RPS6KA2: variants seen among roughly 807,000 people sequenced by gnomAD.
RPS6KA2 encodes ribosomal protein S6 kinase alpha-2.
A neutral mutation model predicts 91.8 loss-of-function variants in RPS6KA2; 42 were observed. That is an observed-to-expected ratio of 0.46 (90% CI 0.36 to 0.59). The LOEUF (loss-of-function observed/expected upper bound fraction) is 0.59. Ranked by LOEUF, RPS6KA2 falls within the 20% of genes least tolerant of loss-of-function variation. RPS6KA2 has a pLI of 0.00. For synonymous variants in RPS6KA2, 414 were observed against 393.6 expected (o/e 1.05, Z -0.61); for missense variants, 798 against 978.5 (o/e 0.82, Z 2.46).
chr6:166,634,496 T>C (rs897550569), intron 2 of RPS6KA2, among the ~76,000 whole-genome samples: 1 of 152,222 alleles, frequency 6.6e-6, no homozygotes, highest in Non-Finnish European at 1.5e-5. Flanking sequence ...ACTCAGATGC[T>C]TCCCTGTAAA....
chr6:166,853,464 G>A (rs1306675114), intron 2 of RPS6KA2, among the ~76,000 whole-genome samples: 1 of 152,214 alleles, frequency 6.6e-6, no homozygotes, highest in African/African-American at 2.4e-5. Flanking sequence ...TCTGTGCCGT[G>A]GAAGTGGACA....
chr6:166,739,968 C>T (rs927262533), intron 2 of RPS6KA2, among the ~76,000 whole-genome samples: 9 of 152,228 alleles, frequency 5.9e-5, no homozygotes, highest in Admixed American at 2.0e-4. Flanking sequence ...CCTACAGGGC[C>T]TGCTTTAAGT....
At chr6:166,838,155 G>A (rs7747879) in intron 2 of RPS6KA2, among the ~76,000 whole-genome samples, 7,941 of 152,258 alleles carry the variant, frequency 0.052, 725 homozygotes, top group African/African-American at 0.18. Context: ...GCCGGTCAGC[G>A]GCTAACATTA....
chr6:166,674,814 C>T (rs1279083456), intron 2 of RPS6KA2, among the ~76,000 whole-genome samples: 1 of 152,008 alleles, frequency 6.6e-6, no homozygotes, highest in Non-Finnish European at 1.5e-5. Flanking sequence ...GATTACAGGC[C>T]CCTGCCACCA....
At chr6:166,436,823 G>A (rs1779331059) in intron 14 of RPS6KA2, among the ~76,000 whole-genome samples, 1 of 152,152 alleles carries the variant, frequency 6.6e-6, no homozygotes, top group African/African-American at 2.4e-5. Flanking sequence ...TGGGATTATA[G>A]GGCACATCCT....
In RPS6KA2 at chr6:166,627,088, G is replaced by A. The variant is rs1786914004; in HGVS notation, c.-69C>T. 8.1e-7 allele frequency: 1 copy of A among 1,239,726 alleles called. No homozygotes were observed. Among genetic ancestry groups the A allele is most frequent in the African/African-American group, 1.6e-5 (1 of 63,744 alleles). The allele number at this position is 1,239,726 out of a possible 1,614,324, so 76.8% of individuals were successfully genotyped here. ...GCATCCCCGGCATCCCAGGCGCGGG[G>A]CTCAGGTCCGCGGGCGGGCACGCGT... On this transcript the variant is annotated 5_prime_UTR_variant, in exon 1 of 21. Transcript: ENST00000265678.
rs1243445243 is a variant in RPS6KA2, at chr6:166,448,538, A to T, written c.1332+186T>A. Among the ~76,000 whole-genome samples the T allele has an allele frequency of 6.6e-6, 1 of 152,244 alleles. No homozygotes were observed. The highest frequency in any genetic ancestry group is 2.4e-5 in the African/African-American group (1 of 41,472). Reference sequence around the variant, plus strand: ...GGTGTCCCTGCTGGAGTCACTGCACAGCTGAGCACGTGAGCACATATGCTG... The same window carrying T: ...GGTGTCCCTGCTGGAGTCACTGCACTGCTGAGCACGTGAGCACATATGCTG... On this transcript the variant is annotated intron_variant, in intron 14 of 20. Coordinates refer to ENST00000265678, the MANE Select transcript of RPS6KA2 (RefSeq NM_021135.6). This position sits in a 1 kb window ranked among gnomAD's most constrained non-coding sequence, Gnocchi z 4.7.
At chr6:166,564,790 C>T (rs1351890482) in intron 1 of RPS6KA2, among the ~76,000 whole-genome samples, 1 of 152,128 alleles carries the variant, frequency 6.6e-6, no homozygotes, top group African/African-American at 2.4e-5. Context: ...GGATCAAGGT[C>T]GAGGGCTGCA....
chr6:166,780,467 C>G (rs1441738188), intron 2 of RPS6KA2, among the ~76,000 whole-genome samples: 1 of 152,184 alleles, frequency 6.6e-6, no homozygotes, highest in Non-Finnish European at 1.5e-5. Flanking sequence ...GCACCTGGAC[C>G]TGGGGCTTCT....
intron 2 of RPS6KA2, among the ~76,000 whole-genome samples, chr6:166,729,338 A>G (rs900822159): frequency 6.6e-6 from 1 of 152,344 alleles, no homozygotes; most frequent in African/African-American, 2.4e-5. Context: ...GCCATTGCTC[A>G]GGATGTTATT....
chr6:166,855,432 AGAAGAG>A (rs1207215456), intron 2 of RPS6KA2, among the ~76,000 whole-genome samples: 4 of 19,992 alleles, frequency 2.0e-4, no homozygotes, highest in Non-Finnish European at 3.0e-4. Context: ...AAGAAGAGGA[AGAAGAG>A]GAAGAAGAAG....
chr6:166,497,392 G>A (rs1781827395), intron 8 of RPS6KA2, among the ~76,000 whole-genome samples: 1 of 152,240 alleles, frequency 6.6e-6, no homozygotes, highest in Non-Finnish European at 1.5e-5. Context: ...GCTTCCACAG[G>A]AAGGAGTAGC....
At chr6:166,794,279 G>T (rs1182014528) in intron 2 of RPS6KA2, among the ~76,000 whole-genome samples, 8 of 150,810 alleles carry the variant, frequency 5.3e-5, no homozygotes, top group Admixed American at 2.6e-4. Context: ...GGCCATCAGA[G>T]AAATGCAAAT....
At chr6:166,556,090 T>G (rs536494188) in intron 1 of RPS6KA2, among the ~76,000 whole-genome samples, 1 of 152,200 alleles carries the variant, frequency 6.6e-6, no homozygotes, top group Non-Finnish European at 1.5e-5. Flanking sequence ...GTTATCCATA[T>G]GCACTTATCT....
chr6:166,723,898 C>T (rs1350666318), intron 2 of RPS6KA2, among the ~76,000 whole-genome samples: 1 of 152,084 alleles, frequency 6.6e-6, no homozygotes, highest in African/African-American at 2.4e-5. Context: ...TGGGGTTTCT[C>T]CATGTTGGCC....
chr6:166,676,667 T>G (rs562417545), intron 2 of RPS6KA2, among the ~76,000 whole-genome samples: 75 of 152,288 alleles, frequency 4.9e-4, no homozygotes, highest in Middle Eastern at 3.4e-3. Context: ...CATCAGATAA[T>G]AAGACTTTTC....
chr6:166,432,340 G>C, intron 15 of RPS6KA2, 61 bp downstream of exon 15: 1 of 1,133,540 alleles, frequency 8.8e-7, no homozygotes. Context: ...GTGAATGGGA[G>C]TTTTGTGTCA....
rs1215911243 is a variant in RPS6KA2, at chr6:166,699,167, G to A, written c.123+159033C>T. On this transcript the variant is annotated intron_variant, in intron 2 of 21. Transcript: ENST00000503859. ...TTGCATGAGATTTAAAGAAGCAAAT[G>A]TTTGTCCAGCTAATAGAAAGGCTGT... is the stretch of plus-strand genomic sequence containing the variant. Among the ~76,000 whole-genome samples the A allele has an allele frequency of 2.6e-5, 4 of 152,256 alleles. No individual in the cohort carries two copies. In the East Asian group the frequency reaches 5.8e-4, roughly 22 times the overall value.
At chr6:166,465,934 A>G (rs1269504112) in intron 11 of RPS6KA2, among the ~76,000 whole-genome samples, 1 of 152,136 alleles carries the variant, frequency 6.6e-6, no homozygotes, top group East Asian at 1.9e-4. Flanking sequence ...TCTGCCACTC[A>G]CGGGCTGTGT....
Sources: allele counts gnomAD v4.1 joint callset (sites outside exome capture counted in the v4.1 genomes callset), GRCh38; gene constraint gnomAD v4.1.1; non-coding constraint Gnocchi (gnomAD v3.1); transcripts MANE v1.5; gene names NCBI Gene and HGNC (gene_info 2026-07-23, HGNC 2026-07-21).